Variants in TTC28 observed in about 807,000 individuals in gnomAD.
TTC28 encodes tetratricopeptide repeat protein 28.
In TTC28, 61 loss-of-function variants were observed where a neutral mutation model predicts 198.0. The ratio of observed to expected loss-of-function variants is 0.31; its 90% confidence interval spans 0.25 to 0.38. TTC28 has a LOEUF of 0.38. TTC28 is among the 10% of genes least tolerant of loss of function. TTC28 has a pLI of 1.00. For missense variants in TTC28, 2,678 were observed against 3,164.0 expected (o/e 0.85, Z 3.69); for synonymous variants, 1,171 against 1,297.8 (o/e 0.90, Z 2.10).
Position 28,105,703 on chromosome 22 carries a change from T to C in TTC28, c.2883A>G (p.Gly961=). 6.4e-7 allele frequency: 1 copy of C among 1,551,832 alleles called. No homozygotes were observed. Among genetic ancestry groups the C allele is most frequent in the Non-Finnish European group, 8.7e-7 (1 of 1,147,040 alleles). Reference sequence around the variant, plus strand: ...ATTGGCTGTGCAGACTTCCCAGCTCTCCATAGGCCTGGGCTTTATTGAAGG... The same window carrying C: ...ATTGGCTGTGCAGACTTCCCAGCTCCCCATAGGCCTGGGCTTTATTGAAGG... ...GEAFNKAQAY[G]ELGSLHSQLG... is the part of the protein sequence containing the mutation. The change falls in exon 8 of 23, where the codon GGA becomes GGG. Residue 961 remains glycine, a synonymous_variant. Coordinates refer to ENST00000397906, the MANE Select transcript of TTC28 (RefSeq NM_001145418.2).
intron 5 of TTC28, among the ~76,000 whole-genome samples, chr22:28,216,146 G>A (rs959397948): frequency 2.3e-4 from 35 of 152,162 alleles, no homozygotes; most frequent in African/African-American, 7.7e-4. Context: ...GAGACAGAGA[G>A]GTACTCAACA....
intron 6 of TTC28, among the ~76,000 whole-genome samples, chr22:28,152,000 G>A (rs1480911295): frequency 6.6e-6 from 1 of 152,184 alleles, no homozygotes; most frequent in Non-Finnish European, 1.5e-5. Flanking sequence ...GGGGCTCAGA[G>A]GGGGCCCGCA....
intron 2 of TTC28, among the ~76,000 whole-genome samples, chr22:28,455,713 CAAAAAAA>C (rs747031430): frequency 8.8e-4 from 107 of 121,942 alleles, no homozygotes; most frequent in Non-Finnish European, 1.5e-3. Context: ...GACTCTTTCC[CAAAAAAA>C]AAAAAAAAAA....
chr22:28,123,956 C>G (rs1269047086), intron 6 of TTC28, among the ~76,000 whole-genome samples: 4 of 152,124 alleles, frequency 2.6e-5, no homozygotes, highest in African/African-American at 9.7e-5. Flanking sequence ...GCACTCCAAC[C>G]TGGGTGACAG....
chr22:28,198,418 G>T (rs897237035), intron 5 of TTC28, among the ~76,000 whole-genome samples: 1 of 152,020 alleles, frequency 6.6e-6, no homozygotes, highest in Non-Finnish European at 1.5e-5. Flanking sequence ...TTGCAGAAAA[G>T]TTGTCACATT....
intron 2 of TTC28, among the ~76,000 whole-genome samples, chr22:28,399,487 G>GT (rs909969992): frequency 3.4e-4 from 51 of 151,526 alleles, no homozygotes; most frequent in African/African-American, 5.6e-4. Context: ...TACCTGGCTA[G>GT]TTTTTTTTCA....
intron 5 of TTC28, among the ~76,000 whole-genome samples, chr22:28,223,842 C>T (rs747595691): frequency 1.4e-4 from 22 of 152,168 alleles, no homozygotes; most frequent in Non-Finnish European, 3.1e-4. Flanking sequence ...GAAATAAAAA[C>T]TCACAAAAGC....
intron 1 of TTC28, among the ~76,000 whole-genome samples, chr22:28,677,173 A>AT (rs1403518183): frequency 7.8e-4 from 19 of 24,304 alleles, no homozygotes; most frequent in East Asian, 5.2e-3. Context: ...AAAAAAAAAA[A>AT]AAATATATAT....
intron 12 of TTC28, among the ~76,000 whole-genome samples, chr22:28,041,204 A>G (rs917502238): frequency 6.6e-6 from 1 of 152,184 alleles, no homozygotes; most frequent in Non-Finnish European, 1.5e-5. Flanking sequence ...GCTACCAATG[A>G]CTTTCTTCAC....
At chr22:28,145,214 C>G (rs1220839885) in intron 6 of TTC28, among the ~76,000 whole-genome samples, 1 of 152,196 alleles carries the variant, frequency 6.6e-6, no homozygotes, top group Admixed American at 6.5e-5. Context: ...CACATTCACA[C>G]TTTCATTTGA....
chr22:28,596,188 T>C (rs550275405), intron 2 of TTC28, among the ~76,000 whole-genome samples: 3 of 152,210 alleles, frequency 2.0e-5, no homozygotes, highest in South Asian at 2.1e-4. Flanking sequence ...CCAGTCATAA[T>C]CACATGGAAA....
chr22:28,382,957 T>C (rs942526151), intron 2 of TTC28, among the ~76,000 whole-genome samples: 6 of 152,172 alleles, frequency 3.9e-5, no homozygotes, highest in African/African-American at 1.4e-4. Flanking sequence ...AAATGACCTC[T>C]AGTATTGTTA....
chr22:28,317,623 A>G (rs1414483526), intron 2 of TTC28, among the ~76,000 whole-genome samples: 1 of 152,176 alleles, frequency 6.6e-6, no homozygotes, highest in East Asian at 1.9e-4. Flanking sequence ...ACCATACACT[A>G]CATAATGGGA....
intron 12 of TTC28, among the ~76,000 whole-genome samples, chr22:28,037,767 C>G (rs1241557300): frequency 1.3e-5 from 2 of 152,152 alleles, no homozygotes; most frequent in Non-Finnish European, 2.9e-5. Flanking sequence ...ATCTAGAAAA[C>G]CCCATCGTCT....
chr22:28,070,639 G>A lies in TTC28; in HGVS notation c.3932+23441C>T, dbSNP rs767591741. Among the ~76,000 whole-genome samples the A allele has an allele frequency of 4.8e-3, 729 of 152,076 alleles. 8 individuals carry two copies. Among genetic ancestry groups the A allele is most frequent in the Non-Finnish European group, 6.8e-3 (461 of 67,968 alleles). On this transcript the variant is annotated intron_variant, in intron 12 of 22. Transcript: ENST00000397906. ...TCTACAAAAATTACAAAAATTAGTT[G>A]GGCAAAAGAGGTGGTCTGGTGGTAA...
chr22:28,311,211 C>A (rs936063573), intron 2 of TTC28, among the ~76,000 whole-genome samples: 1 of 148,132 alleles, frequency 6.8e-6, no homozygotes, highest in Non-Finnish European at 1.5e-5. Flanking sequence ...TAATCACTAT[C>A]TTTGTTCAAC....
intron 2 of TTC28, among the ~76,000 whole-genome samples, chr22:28,591,594 G>C (rs990205100): frequency 5.3e-5 from 8 of 152,060 alleles, no homozygotes; most frequent in Admixed American, 1.3e-4. Flanking sequence ...AATAATTATA[G>C]ATTCACAAGA....
intron 5 of TTC28, among the ~76,000 whole-genome samples, chr22:28,241,199 A>T (rs572211754): frequency 2.0e-5 from 3 of 152,196 alleles, no homozygotes; most frequent in African/African-American, 7.2e-5. Context: ...ACTGAGAAGA[A>T]TAAGTATCAC....
intron 12 of TTC28, among the ~76,000 whole-genome samples, chr22:28,034,227 G>A (rs895489810): frequency 6.6e-6 from 1 of 152,166 alleles, no homozygotes; most frequent in Non-Finnish European, 1.5e-5. Flanking sequence ...AGGATAACTC[G>A]AGGGAGACAG....
Sources: gnomAD v4.1 joint callset for allele counts (sites outside exome capture counted in the v4.1 genomes callset) on GRCh38, gnomAD v4.1.1 for gene constraint, MANE v1.5 for transcripts, NCBI Gene and HGNC (gene_info 2026-07-23, HGNC 2026-07-21) for gene names.